Variants in CSMD1 observed in about 807,000 individuals in gnomAD.
CSMD1 encodes the protein CUB and sushi domain-containing protein 1.
A neutral mutation model predicts 417.5 loss-of-function variants in CSMD1; 213 were observed. The observed-to-expected ratio is 0.51, with a 90% confidence interval of 0.46 to 0.57. CSMD1 has a LOEUF of 0.57. Among genes scored for constraint, CSMD1 ranks in the 20% least tolerant of loss-of-function variants. The pLI is 0.00. For synonymous variants in CSMD1, 2,862 were observed against 1,736.8 expected (o/e 1.65, Z -16.11); for missense variants, 6,923 against 4,529.7 (o/e 1.53, Z -15.17).
chr8:4,220,866 C>A (rs985874741), intron 3 of CSMD1, among the ~76,000 whole-genome samples: 3 of 152,134 alleles, frequency 2.0e-5, no homozygotes, highest in Non-Finnish European at 2.9e-5. Flanking sequence ...CTTGGGGTAA[C>A]AAGTAAGAAG....
intron 5 of CSMD1, among the ~76,000 whole-genome samples, chr8:3,996,523 G>C (rs1268499127): frequency 6.6e-6 from 1 of 151,826 alleles, no homozygotes; most frequent in Admixed American, 6.6e-5. Flanking sequence ...CAGAACCTGT[G>C]GTATAACTTA....
chr8:4,865,407 A>C (rs909787522), intron 1 of CSMD1, among the ~76,000 whole-genome samples: 1 of 151,938 alleles, frequency 6.6e-6, no homozygotes, highest in African/African-American at 2.4e-5. Context: ...TGAGTAATAT[A>C]TACACAGCTT....
chr8:4,370,550 C>G (rs1414654154), intron 3 of CSMD1, among the ~76,000 whole-genome samples: 3 of 152,194 alleles, frequency 2.0e-5, no homozygotes, highest in Non-Finnish European at 4.4e-5. Flanking sequence ...GTTTCTTGCT[C>G]TCTTTCTCTT....
In CSMD1 at chr8:3,396,366, G is replaced by C; in HGVS notation, c.2421C>G (p.Val807=). Residue 807 remains valine, a synonymous_variant, in exon 17 of 70, where the codon GTC becomes GTG. Coordinates refer to ENST00000635120, the MANE Select transcript of CSMD1 (RefSeq NM_033225.6). The stretch of plus-strand genomic sequence containing the variant: ...CTCTGACCTCCAAGGTGTCATAATT[G>C]ACCTCTGTCTGAAATCTGCAAATAT... ...KITFDRFQTE[V]NYDTLEVRDG... is the part of the protein sequence containing the mutation. 1.3e-6 allele frequency: 2 copies of C among 1,589,032 alleles called. No individual in the cohort carries two copies. The highest frequency in any genetic ancestry group is 1.7e-6 in the Non-Finnish European group (2 of 1,167,734).
chr8:4,948,525 G>C (rs1363650169), intron 1 of CSMD1, among the ~76,000 whole-genome samples: 1 of 151,812 alleles, frequency 6.6e-6, no homozygotes, highest in Non-Finnish European at 1.5e-5. Flanking sequence ...TCATAATCTT[G>C]TGAATACTGG....
intron 1 of CSMD1, among the ~76,000 whole-genome samples, chr8:4,748,977 G>A (rs566828910): frequency 1.3e-5 from 2 of 152,306 alleles, no homozygotes; most frequent in African/African-American, 2.4e-5. Context: ...TAAGTTCTAA[G>A]CTACTGGCAT....
At chr8:4,755,839 C>A (rs572547056) in intron 1 of CSMD1, among the ~76,000 whole-genome samples, 89 of 152,198 alleles carry the variant, frequency 5.8e-4, no homozygotes, top group African/African-American at 1.9e-3. Context: ...TAAATCACTC[C>A]TAGATGAAAC....
intron 3 of CSMD1, among the ~76,000 whole-genome samples, chr8:4,315,406 G>A (rs1563440655): frequency 3.3e-5 from 5 of 152,156 alleles, no homozygotes; most frequent in South Asian, 4.1e-4. Context: ...AGCAAGGGAT[G>A]AGTGGCCCAT....
chr8:3,913,513 T>C (rs1161844759), intron 5 of CSMD1, among the ~76,000 whole-genome samples: 1 of 152,070 alleles, frequency 6.6e-6, no homozygotes, highest in Non-Finnish European at 1.5e-5. Flanking sequence ...AAAATGTGTT[T>C]CAGAAAGGAT....
chr8:4,080,672 C>G (rs1053001406), intron 3 of CSMD1, among the ~76,000 whole-genome samples: 1 of 152,132 alleles, frequency 6.6e-6, no homozygotes, highest in African/African-American at 2.4e-5. Context: ...GTAACAGAAT[C>G]ACTGAAAATG....
chr8:4,887,963 T>C (rs1309147529), intron 1 of CSMD1, among the ~76,000 whole-genome samples: 1 of 152,108 alleles, frequency 6.6e-6, no homozygotes, highest in Non-Finnish European at 1.5e-5. Flanking sequence ...TGGTTAAATC[T>C]CATTTTTAAA....
At chr8:4,304,835 T>G (rs368267109) in intron 3 of CSMD1, among the ~76,000 whole-genome samples, 6 of 152,342 alleles carry the variant, frequency 3.9e-5, no homozygotes, top group African/African-American at 1.4e-4. Context: ...CACTGAACTT[T>G]TGTCTTGAGA....
intron 5 of CSMD1, among the ~76,000 whole-genome samples, chr8:3,947,859 C>T (rs949264847): frequency 6.6e-6 from 1 of 152,152 alleles, no homozygotes; most frequent in African/African-American, 2.4e-5. Flanking sequence ...AAAACCTCCA[C>T]AGCCTTTTCA....
chr8:4,714,523 T>G lies in CSMD1; in HGVS notation c.86-76965A>C, dbSNP rs1808520214. Among the ~76,000 whole-genome samples the G allele has an allele frequency of 2.0e-5, 3 of 152,192 alleles. No individual in the cohort carries two copies. The South Asian group carries it at 6.2e-4, about 32-fold the overall frequency. The stretch of plus-strand genomic sequence containing the variant: ...AAATACTTTAATAATTTTGCCCAAT[T>G]GAACATAACAGATAGAGAAGGCCCA... On this transcript the variant is annotated intron_variant, in intron 1 of 69. Coordinates refer to ENST00000635120, the MANE Select transcript of CSMD1 (RefSeq NM_033225.6).
intron 1 of CSMD1, among the ~76,000 whole-genome samples, chr8:4,861,079 AATCTT>A (rs376669789): frequency 1.3e-5 from 2 of 152,078 alleles, no homozygotes; most frequent in African/African-American, 4.8e-5. Flanking sequence ...AAAGCTCCAG[AATCTT>A]ATCTTATTTT....
chr8:3,722,507 G>C (rs7837801), intron 6 of CSMD1, among the ~76,000 whole-genome samples: 126,155 of 151,950 alleles, frequency 0.83, 52,484 homozygotes, highest in Middle Eastern at 0.91. Flanking sequence ...AGCAGGGTCT[G>C]TCTTACCTTT....
At chr8:2,953,744 T>A (rs1802807797) in intron 65 of CSMD1, among the ~76,000 whole-genome samples, 1 of 152,214 alleles carries the variant, frequency 6.6e-6, no homozygotes, top group Non-Finnish European at 1.5e-5. Context: ...AAAACTATAA[T>A]TAACATTTTA....
chr8:4,700,412 A>G (rs1280663690), intron 1 of CSMD1, among the ~76,000 whole-genome samples: 1 of 152,130 alleles, frequency 6.6e-6, no homozygotes, highest in Non-Finnish European at 1.5e-5. Flanking sequence ...TACAAGTTTT[A>G]TACTTATAAA....
At chr8:4,143,988 C>A (rs1803957116) in intron 3 of CSMD1, among the ~76,000 whole-genome samples, 1 of 151,332 alleles carries the variant, frequency 6.6e-6, no homozygotes, top group South Asian at 2.1e-4. Flanking sequence ...CTCTCCCTTT[C>A]CATCTGAGAC....
Sources: allele counts gnomAD v4.1 joint callset (sites outside exome capture counted in the v4.1 genomes callset), GRCh38; gene constraint gnomAD v4.1.1; transcripts MANE v1.5; gene names NCBI Gene and HGNC (gene_info 2026-07-23, HGNC 2026-07-21).